Variants in ITSN1 observed in about 807,000 individuals in gnomAD.
The protein encoded by ITSN1 is intersectin 1, also known as intersectin-1.
Under a neutral mutation model 239.8 loss-of-function variants are expected in ITSN1, and 58 were observed. That is an observed-to-expected ratio of 0.24 (90% CI 0.20 to 0.30). The LOEUF is 0.30. Among genes scored for constraint, ITSN1 ranks in the 10% least tolerant of loss-of-function variants. The pLI, the probability that ITSN1 is intolerant of heterozygous loss-of-function variation, is 1.00. For synonymous variants in ITSN1, 780 were observed against 770.8 expected (o/e 1.01, Z -0.20); for missense variants, 1,558 against 2,103.3 (o/e 0.74, Z 5.07).
chr21:33,749,738 G>C lies in ITSN1; in HGVS notation c.347-405G>C, dbSNP rs572874389. Among the ~76,000 whole-genome samples the C allele has an allele frequency of 8.5e-5, 13 of 152,208 alleles. No homozygotes were observed. In the South Asian group the frequency reaches 2.7e-3, roughly 32 times the overall value. Reference sequence around the variant, plus strand: ...CTGAGGTATAATAAACATAGGAAAGGCAGGTTGCAGTTTGATTTTTCTACC... The same window carrying C: ...CTGAGGTATAATAAACATAGGAAAGCCAGGTTGCAGTTTGATTTTTCTACC... On this transcript the variant is annotated intron_variant, in intron 5 of 39. Coordinates refer to ENST00000381318, the MANE Select transcript of ITSN1 (RefSeq NM_003024.3).
At chr21:33,757,318 G>C (rs2067996792) in intron 8 of ITSN1, among the ~76,000 whole-genome samples, 1 of 151,942 alleles carries the variant, frequency 6.6e-6, no homozygotes, top group Non-Finnish European at 1.5e-5. Context: ...AATGACCCAG[G>C]CACTTGAGCA....
At chr21:33,873,987 C>T (rs1373334847) in intron 33 of ITSN1, among the ~76,000 whole-genome samples, 1 of 151,184 alleles carries the variant, frequency 6.6e-6, no homozygotes, top group Non-Finnish European at 1.5e-5. Context: ...ATGGTGAAAC[C>T]CCCATCTCTA....
Position 33,811,144 on chromosome 21 carries a change from G to C in ITSN1, c.2489G>C (p.Arg830Pro). 1 of 1,611,746 alleles carries C rather than the reference G, an allele frequency of 6.2e-7. No individual in the cohort carries two copies. The highest frequency in any genetic ancestry group is 8.5e-7 in the Non-Finnish European group (1 of 1,179,738). The change falls in exon 21 of 40, where the codon CGT becomes CCT. Residue 830 changes from arginine to proline, a missense_variant. By Grantham distance (103) the Arg-to-Pro change is moderately radical. Transcript: ENST00000381318. ...TSAPAPKLAL[R>P]ETPAPLAVTS... The stretch of plus-strand genomic sequence containing the variant: ...GCCCCTGCCCCCAAACTGGCCTTGC[G>C]TGAGACCCCCGCCCCTTTGGCAGTA...
intron 20 of ITSN1, among the ~76,000 whole-genome samples, chr21:33,809,942 C>T (rs1008501794): frequency 9.2e-5 from 14 of 152,140 alleles, no homozygotes; most frequent in Middle Eastern, 3.4e-3. Context: ...TACAGGCATG[C>T]GCCACCATGC....
At chr21:33,824,615 C>T (rs2073878589) in intron 25 of ITSN1, among the ~76,000 whole-genome samples, 1 of 152,160 alleles carries the variant, frequency 6.6e-6, no homozygotes, top group Non-Finnish European at 1.5e-5. Context: ...AGAGTGTATA[C>T]TGGGCTCTTA....
rs184039879 is a variant in ITSN1, at chr21:33,872,153, A to C, written c.4174-3201A>C. 6.6e-3 allele frequency among the ~76,000 whole-genome samples: 1,009 copies of C among 152,378 alleles called. 13 individuals carry two copies. Among genetic ancestry groups the C allele is most frequent in the African/African-American group, 0.023 (956 of 41,594 alleles). ...GTATATTGAAAAGATTATAGGTCCCAGTGTTGGCAAAGATCTGGGTGGAAG... is the reference window on the plus strand; with the variant it reads ...GTATATTGAAAAGATTATAGGTCCCCGTGTTGGCAAAGATCTGGGTGGAAG... On this transcript the variant is annotated intron_variant, in intron 33 of 39. Coordinates refer to ENST00000381318, the MANE Select transcript of ITSN1 (RefSeq NM_003024.3).
Position 33,885,631 on chromosome 21 carries a change from G to A in ITSN1, c.4843+109G>A, listed in dbSNP as rs920146978. ...CAAATGTGCTATTTCCATACTCCCTGATCTCCTTCCAGAATTGGTTTAACT... is the reference window on the plus strand; with the variant it reads ...CAAATGTGCTATTTCCATACTCCCTAATCTCCTTCCAGAATTGGTTTAACT... On this transcript the variant is annotated intron_variant, in intron 38 of 39. Coordinates refer to ENST00000381318, the MANE Select transcript of ITSN1 (RefSeq NM_003024.3). The A allele has an allele frequency of 4.2e-5, 34 of 814,070 alleles. No homozygotes were observed. In the African/African-American group the frequency reaches 5.8e-4, roughly 14 times the overall value. 50.4% of individuals were successfully genotyped at this position (814,070 alleles called of 1,614,324 possible).
rs1985053408 is a variant in ITSN1, at chr21:33,882,200, G to C, written c.4342-43G>C. 1.9e-6 allele frequency: 3 copies of C among 1,570,374 alleles called. No individual in the cohort carries two copies. On this transcript the variant is annotated intron_variant, in intron 34 of 39. Coordinates refer to ENST00000381318, the MANE Select transcript of ITSN1 (RefSeq NM_003024.3). The surrounding 1 kb of genome is among the most constrained non-coding windows in gnomAD (Gnocchi z 4.5). ...TGGAGCCCATGCTTTCAGATGCGGA[G>C]AAACAAAAATGCTACACTTTGGGTT...
intron 16 of ITSN1, among the ~76,000 whole-genome samples, chr21:33,784,783 AC>A (rs1173450677): frequency 1.3e-5 from 2 of 152,146 alleles, no homozygotes; most frequent in African/African-American, 2.4e-5. Context: ...AAAATGAAAT[AC>A]TTTTTTTGTA....
intron 1 of ITSN1, among the ~76,000 whole-genome samples, chr21:33,644,562 C>T (rs1224959682): frequency 6.6e-6 from 1 of 151,952 alleles, no homozygotes; most frequent in Non-Finnish European, 1.5e-5. Context: ...TACTTTGGAA[C>T]CCTGCGGATT....
In ITSN1 at chr21:33,873,125, G is replaced by A. The variant is rs914670813; in HGVS notation, c.4174-2229G>A. On this transcript the variant is annotated intron_variant, in intron 33 of 39. Coordinates refer to ENST00000381318, the MANE Select transcript of ITSN1 (RefSeq NM_003024.3). ...TCAGATTTTCCAAAAGGATTCTAAC[G>A]TACAGTCAGGATTGGCCCAGAGGTT... Among the ~76,000 whole-genome samples the A allele has an allele frequency of 3.3e-5, 5 of 152,170 alleles. No homozygotes were observed. In the South Asian group the frequency reaches 6.2e-4, roughly 19 times the overall value.
At chr21:33,722,137 A>C (rs985468422) in intron 3 of ITSN1, 1 of 152,142 alleles carries the variant, frequency 6.6e-6, no homozygotes, top group African/African-American at 2.4e-5. Context: ...TGAACTTCTG[A>C]CCTCAGGTGT....
chr21:33,894,782 G>A lies in ITSN1; in HGVS notation c.*6482G>A, dbSNP rs1986595238. ...CCGTTCCTGTATCTAAACAGAATGG[G>A]GGCCTCAGGCAGACAGGAACCAAAG... On this transcript the variant is annotated 3_prime_UTR_variant, in exon 40 of 40. Transcript: ENST00000381318. 1 of 152,150 alleles carries A rather than the reference G, an allele frequency of 6.6e-6. No homozygotes were observed. The highest frequency in any genetic ancestry group is 1.5e-5 in the Non-Finnish European group (1 of 68,042). 9.4% of individuals were successfully genotyped at this position (152,150 alleles called of 1,614,324 possible).
intron 1 of ITSN1, among the ~76,000 whole-genome samples, chr21:33,675,553 C>T (rs1299831271): frequency 2.0e-5 from 3 of 151,902 alleles, no homozygotes; most frequent in Non-Finnish European, 2.9e-5. Context: ...GGCGACAGAG[C>T]GAGACTCTGT....
At chr21:33,758,986 AT>A (rs2068104608) in intron 8 of ITSN1, among the ~76,000 whole-genome samples, 1 of 152,228 alleles carries the variant, frequency 6.6e-6, no homozygotes, top group Non-Finnish European at 1.5e-5. Flanking sequence ...TATTTTTAAT[AT>A]TTTGCAACAT....
chr21:33,834,538 TC>T, intron 28 of ITSN1, 114 bp downstream of exon 28: 2 of 752,662 alleles, frequency 2.7e-6, no homozygotes, highest in Non-Finnish European at 4.6e-6. Context: ...TTAAAGCACT[TC>T]CTGTACTTGC....
At chr21:33,822,864 T>A (rs955057764) in intron 24 of ITSN1, among the ~76,000 whole-genome samples, 28 of 152,248 alleles carry the variant, frequency 1.8e-4, no homozygotes, top group Admixed American at 1.7e-3. Context: ...CATTTTTAAC[T>A]AAACAATATG....
At chr21:33,669,970 C>T (rs1223343587) in intron 1 of ITSN1, among the ~76,000 whole-genome samples, 1 of 152,166 alleles carries the variant, frequency 6.6e-6, no homozygotes, top group Non-Finnish European at 1.5e-5. Context: ...CTCACTCTCA[C>T]TCAGGTGTTG....
intron 22 of ITSN1, chr21:33,817,687 T>G (rs1477026866): frequency 8.8e-7 from 1 of 1,130,226 alleles, no homozygotes. Context: ...TCATCTGTAA[T>G]CTCATGGGGC....
Sources: allele counts gnomAD v4.1 joint callset (sites outside exome capture counted in the v4.1 genomes callset), GRCh38; gene constraint gnomAD v4.1.1; non-coding constraint Gnocchi (gnomAD v3.1); transcripts MANE v1.5; gene names NCBI Gene and HGNC (gene_info 2026-07-23, HGNC 2026-07-21).